FHIP1A: variants seen among roughly 807,000 people sequenced by gnomAD.
FHIP1A encodes FHF complex subunit HOOK interacting protein 1A.
FHIP1A carries 61 observed loss-of-function variants against 88.6 expected under a neutral mutation model. The observed-to-expected ratio is 0.69, with a 90% CI of 0.56 to 0.85. FHIP1A has a LOEUF of 0.85. Ranked by LOEUF, FHIP1A falls within the 40% of genes least tolerant of loss-of-function variation. FHIP1A has a pLI of 0.00. For missense variants in FHIP1A, 1,154 were observed against 1,273.5 expected, an observed-to-expected ratio of 0.91 and a Z score of 1.43; for synonymous variants, 478 against 496.0, an observed-to-expected ratio of 0.96 and a Z score of 0.48.
At chr4:151,643,230 A>T (rs1736659536) in intron 9 of FHIP1A, among the ~76,000 whole-genome samples, 1 of 152,160 alleles carries the variant, frequency 6.6e-6, no homozygotes, top group African/African-American at 2.4e-5. Flanking sequence ...AAAGACAGAG[A>T]CAGAGGAGCA....
chr4:151,412,777 C>T (rs1323135919), intron 1 of FHIP1A, among the ~76,000 whole-genome samples: 1 of 149,992 alleles, frequency 6.7e-6, no homozygotes, highest in Non-Finnish European at 1.5e-5. Flanking sequence ...CTCTGCCTCC[C>T]GGGTTCAAGG....
At chr4:151,636,142 C>T (rs1195467388) in intron 8 of FHIP1A, among the ~76,000 whole-genome samples, 1 of 151,876 alleles carries the variant, frequency 6.6e-6, no homozygotes, top group East Asian at 1.9e-4. Flanking sequence ...TGGGATATAT[C>T]AAACTAGGAT....
intron 3 of FHIP1A, among the ~76,000 whole-genome samples, chr4:151,563,133 A>G (rs1008256183): frequency 6.6e-6 from 1 of 152,216 alleles, no homozygotes; most frequent in African/African-American, 2.4e-5. Flanking sequence ...AGATATAAAT[A>G]TGGCCACTCA....
intron 7 of FHIP1A, among the ~76,000 whole-genome samples, chr4:151,615,592 C>T (rs1735490838): frequency 6.6e-6 from 1 of 152,142 alleles, no homozygotes; most frequent in South Asian, 2.1e-4. Flanking sequence ...GACAGAGGCT[C>T]ATCTGGGAAG....
At chr4:151,449,140 G>C (rs1210714346) in intron 1 of FHIP1A, among the ~76,000 whole-genome samples, 2 of 152,120 alleles carry the variant, frequency 1.3e-5, no homozygotes, top group African/African-American at 4.8e-5. Flanking sequence ...TATGATGCCT[G>C]ATACATAGTA....
Position 151,577,831 on chromosome 4 carries a change from G to C in FHIP1A, c.487G>C (p.Val163Leu). The C allele has an allele frequency of 6.4e-7, 1 of 1,551,954 alleles. No homozygotes were observed. Residue 163 changes from valine (V) to leucine (L), a missense_variant, in exon 5 of 14, where the codon GTT becomes CTT. Physicochemically the swap from Val to Leu is conservative, Grantham distance 32. Coordinates refer to ENST00000435205, the MANE Select transcript of FHIP1A (RefSeq NM_001109977.3). ...TTTPTVEEKL[V>L]VLLNQLCSIL... ...CACCCCCACTGTGGAGGAGAAGCTG[G>C]TTGTCCTACTCAATCAGCTCTGTTC...
At chr4:151,593,351 G>A (rs1734514830) in intron 7 of FHIP1A, among the ~76,000 whole-genome samples, 1 of 152,094 alleles carries the variant, frequency 6.6e-6, no homozygotes, top group Non-Finnish European at 1.5e-5. Flanking sequence ...AATTACTTTG[G>A]GCAGTATGGC....
At chr4:151,471,098 G>A (rs192935117) in intron 2 of FHIP1A, among the ~76,000 whole-genome samples, 25 of 152,140 alleles carry the variant, frequency 1.6e-4, no homozygotes, top group Admixed American at 7.2e-4. Flanking sequence ...ATAGATGAGG[G>A]ACAAGTGCTT....
rs1253992462 is a variant in FHIP1A at position 151,586,702 on chromosome 4, G to A, written c.794G>A (p.Gly265Asp). 3 of 1,551,172 alleles carry A rather than the reference G, an allele frequency of 1.9e-6. No homozygotes were observed. Among genetic ancestry groups the A allele is most frequent in the Non-Finnish European group, 2.6e-6 (3 of 1,146,710 alleles). ...CTGCCTACAAAGCTAGAAGAGAAAG[G>A]CGAGGAATGGCACTGCCTTCTGAAA... ...SSLPTKLEEK[G>D]EEWHCLLKDD... The change falls in exon 6 of 14, where the codon GGC becomes GAC. Residue 265 changes from glycine (G) to aspartate (D), a missense_variant. By Grantham distance (94) the Gly-to-Asp change is moderately conservative (BLOSUM62 -1). Transcript: ENST00000435205.
intron 2 of FHIP1A, among the ~76,000 whole-genome samples, chr4:151,457,352 C>T (rs1235835731): frequency 6.6e-6 from 1 of 152,228 alleles, no homozygotes; most frequent in Non-Finnish European, 1.5e-5. Flanking sequence ...GCATTTGGAA[C>T]AGGAAATTGC....
In FHIP1A at chr4:151,656,778, A is replaced by G; in HGVS notation, c.2749A>G (p.Asn917Asp). ...SLYQVLASVK[N>D]KIEQFASVER... ...TTGACAGGTCCTTGCATCTGTGAAAAACAAGATTGAACAGTTTGCTTCTGT... is the reference window on the plus strand; with the variant it reads ...TTGACAGGTCCTTGCATCTGTGAAAGACAAGATTGAACAGTTTGCTTCTGT... Residue 917 changes from asparagine (N) to aspartate (D), a missense_variant, in exon 13 of 14, where the codon AAC (asparagine) becomes GAC (aspartate). Asn to Asp is a conservative substitution (Grantham distance 23). Transcript: ENST00000435205. This position sits in a 1 kb window ranked among gnomAD's most constrained non-coding sequence, Gnocchi z 4.2. 1 of 1,551,484 alleles carries G rather than the reference A, an allele frequency of 6.4e-7. No individual in the cohort carries two copies. Among genetic ancestry groups the G allele is most frequent in the Non-Finnish European group, 8.7e-7 (1 of 1,146,912 alleles).
chr4:151,628,223 A>G (rs1293936801), intron 7 of FHIP1A, among the ~76,000 whole-genome samples: 1 of 152,198 alleles, frequency 6.6e-6, no homozygotes, highest in Non-Finnish European at 1.5e-5. Flanking sequence ...TACTCAGACC[A>G]CTGTGGAATG....
At chr4:151,492,618 A>G (rs1730324101) in intron 3 of FHIP1A, among the ~76,000 whole-genome samples, 1 of 151,546 alleles carries the variant, frequency 6.6e-6, no homozygotes, top group South Asian at 2.1e-4. Flanking sequence ...GAAAATTGCA[A>G]TTATATCAAG....
intron 1 of FHIP1A, among the ~76,000 whole-genome samples, chr4:151,437,736 G>A (rs897311783): frequency 2.0e-5 from 3 of 152,078 alleles, no homozygotes; most frequent in Non-Finnish European, 4.4e-5. Context: ...GAATCTTAAT[G>A]GCATGTGACA....
chr4:151,643,705 T>C (rs1367223606), intron 9 of FHIP1A, among the ~76,000 whole-genome samples: 1 of 152,212 alleles, frequency 6.6e-6, no homozygotes, highest in Non-Finnish European at 1.5e-5. Flanking sequence ...TTTTTGTGCC[T>C]GGCTTATTTC....
chr4:151,511,657 C>G (rs1357632676), intron 3 of FHIP1A, among the ~76,000 whole-genome samples: 1 of 152,232 alleles, frequency 6.6e-6, no homozygotes, highest in African/African-American at 2.4e-5. Flanking sequence ...TCGGAGAGTC[C>G]TACACCCACA....
intron 8 of FHIP1A, among the ~76,000 whole-genome samples, 184 bp downstream of exon 8, chr4:151,630,053 C>T (rs1410385057): frequency 4.6e-5 from 7 of 151,730 alleles, no homozygotes; most frequent in African/African-American, 7.3e-5. Flanking sequence ...TGGAATAATG[C>T]GTTTTGTTCT....
At chr4:151,571,161 A>G (rs565970506) in intron 4 of FHIP1A, among the ~76,000 whole-genome samples, 12 of 152,170 alleles carry the variant, frequency 7.9e-5, no homozygotes, top group South Asian at 4.1e-4. Context: ...TTCATTTTCT[A>G]TCTGCTCCTT....
rs1327107281 is a variant in FHIP1A at position 151,650,365 on chromosome 4, C to T, written c.2324C>T (p.Pro775Leu). 1 of 1,551,714 alleles carries T rather than the reference C, an allele frequency of 6.4e-7. No homozygotes were observed. The highest frequency in any genetic ancestry group is 2.4e-5 in the East Asian group (1 of 40,920). ...GAEGLMEQNYPTPDPLLLTKE... is the reference protein window; with the variant it reads ...GAEGLMEQNYLTPDPLLLTKE... ...GAGGGCTTGATGGAACAGAATTACC[C>T]CACACCTGATCCCTTGCTTCTCACT... The change falls in exon 11 of 14, where the codon CCC (proline) becomes CTC (leucine). Residue 775 changes from proline to leucine, a missense_variant. Physicochemically the swap from Pro to Leu is moderately conservative, Grantham distance 98 (BLOSUM62 -3). Transcript: ENST00000435205.
Sources: allele counts gnomAD v4.1 joint callset (sites outside exome capture counted in the v4.1 genomes callset), GRCh38; gene constraint gnomAD v4.1.1; non-coding constraint Gnocchi (gnomAD v3.1); transcripts MANE v1.5; gene names NCBI Gene and HGNC (gene_info 2026-07-23, HGNC 2026-07-21).